The following UTP18 variants were observed in gnomAD, a reference collection of about 807,000 sequenced individuals.
The protein encoded by UTP18 is UTP18 small subunit processome component.
A neutral mutation model predicts 61.1 loss-of-function variants in UTP18; 36 were observed. That is an observed-to-expected ratio of 0.59 (90% CI 0.45 to 0.78). The LOEUF is 0.78. Among genes scored for constraint, UTP18 ranks in the 30% least tolerant of loss-of-function variants. UTP18 has a pLI of 0.00. For missense variants in UTP18, 753 were observed against 693.9 expected (o/e 1.09, Z -0.96); for synonymous variants, 282 against 251.1 (o/e 1.12, Z -1.16).
intron 2 of UTP18, among the ~76,000 whole-genome samples, chr17:51,263,991 A>C (rs942814336): frequency 6.6e-6 from 1 of 151,386 alleles, no homozygotes; most frequent in African/African-American, 2.4e-5. Flanking sequence ...ATTAACCATA[A>C]TTTACGTGGC....
intron 11 of UTP18, among the ~76,000 whole-genome samples, chr17:51,292,796 C>T (rs989052854): frequency 7.9e-5 from 12 of 152,178 alleles, no homozygotes; most frequent in African/African-American, 2.4e-4. Flanking sequence ...GAAGTAGACT[C>T]TGGAGAAAGA....
chr17:51,286,371 A>G, intron 10 of UTP18: 2 of 422,526 alleles, frequency 4.7e-6, no homozygotes, highest in South Asian at 3.4e-5. Context: ...ACCAAACACA[A>G]TTGAGCCATG....
At chr17:51,294,920 T>C (rs1444601960) in intron 12 of UTP18, among the ~76,000 whole-genome samples, 1 of 152,238 alleles carries the variant, frequency 6.6e-6, no homozygotes, top group African/African-American at 2.4e-5. Flanking sequence ...TGGTATCTTA[T>C]TGTGGTTTTT....
chr17:51,284,915 A>G (rs377548364), intron 9 of UTP18, among the ~76,000 whole-genome samples: 2 of 151,930 alleles, frequency 1.3e-5, no homozygotes, highest in Admixed American at 1.3e-4. Flanking sequence ...ACAAAAATTA[A>G]CTACGCATGG....
At chr17:51,271,080 A>G (rs1487690728) in intron 4 of UTP18, among the ~76,000 whole-genome samples, 4 of 152,190 alleles carry the variant, frequency 2.6e-5, no homozygotes, top group African/African-American at 4.8e-5. Flanking sequence ...ATCAACAGCA[A>G]TTCATTAATA....
In UTP18 at chr17:51,260,782, G is replaced by A. The variant is rs1466563988; in HGVS notation, c.198G>A (p.Ala66=). The part of the protein sequence containing the change: ...AAAAAIAVAA[A]EEERRLRQRN... ...CCGCTGCGATTGCAGTCGCGGCGGC[G>A]GAGGAAGAGAGACGGCTCCGGCAGC... Residue 66 remains alanine, a synonymous_variant, in exon 1 of 14, where the codon GCG becomes GCA. Transcript: ENST00000225298. 4 of 1,579,066 alleles carry A rather than the reference G, an allele frequency of 2.5e-6. No individual in the cohort carries two copies. Among genetic ancestry groups the A allele is most frequent in the Middle Eastern group, 1.9e-4 (1 of 5,398 alleles).
intron 11 of UTP18, among the ~76,000 whole-genome samples, chr17:51,289,282 C>T (rs577967812): frequency 4.7e-5 from 7 of 150,166 alleles, no homozygotes; most frequent in African/African-American, 1.5e-4. Context: ...CTGCAGCCTC[C>T]GCCTCCTGGG....
chr17:51,281,143 T>A (rs1028283646), intron 9 of UTP18, among the ~76,000 whole-genome samples: 19 of 120,582 alleles, frequency 1.6e-4, no homozygotes, highest in Admixed American at 1.2e-3. Context: ...CGTCTCAAAA[T>A]ATATATATAT....
At chr17:51,262,379 C>A (rs1373804474) in intron 1 of UTP18, among the ~76,000 whole-genome samples, 1 of 151,994 alleles carries the variant, frequency 6.6e-6, no homozygotes, top group African/African-American at 2.4e-5. Flanking sequence ...CCACCGCACC[C>A]GGCCTAGGTT....
chr17:51,295,066 T>C, intron 12 of UTP18, among the ~76,000 whole-genome samples: 2 of 152,034 alleles, frequency 1.3e-5, no homozygotes, highest in Non-Finnish European at 2.9e-5. Context: ...TTCTTGTAAA[T>C]TTGTTTGAGT....
intron 9 of UTP18, among the ~76,000 whole-genome samples, chr17:51,283,698 C>T (rs1043195145): frequency 2.6e-5 from 4 of 151,294 alleles, no homozygotes; most frequent in Non-Finnish European, 5.9e-5. Flanking sequence ...ACTACATCCT[C>T]TGCCTCCTGG....
Position 51,280,438 on chromosome 17 carries a change from C to A in UTP18, c.1163C>A (p.Ser388Tyr), listed in dbSNP as rs766259943. ...SMKINGRVAA[S>Y]TFSSDSKKVY... The stretch of plus-strand genomic sequence containing the variant: ...AAAATTAATGGAAGGGTTGCAGCAT[C>A]CACATTCTCTTCAGATAGTAAGAAA... Residue 388 changes from serine to tyrosine, a missense_variant, in exon 9 of 14, where the codon TCC becomes TAC. Coordinates refer to ENST00000225298, the MANE Select transcript of UTP18 (RefSeq NM_016001.3). The A allele has an allele frequency of 8.1e-6, 13 of 1,614,042 alleles. No individual in the cohort carries two copies. The Admixed American group carries it at 1.3e-4, about 17-fold the overall frequency.
rs1205531826 is a variant in UTP18, at chr17:51,280,126, C to T, written c.1113+21C>T. 3 of 1,600,194 alleles carry T rather than the reference C, an allele frequency of 1.9e-6. No homozygotes were observed. In the Admixed American group the frequency reaches 5.0e-5, roughly 27 times the overall value. On this transcript the variant is annotated intron_variant, in intron 8 of 13. Transcript: ENST00000225298. The stretch of plus-strand genomic sequence containing the variant: ...TGAAGGTAAAGCATTATTATTGCTT[C>T]TTGTTCTTCTCCCACAAGACACTAG...
At chr17:51,285,153 T>C in intron 9 of UTP18, 92 bp from the exon 10 acceptor site, 3 of 1,415,506 alleles carry the variant, frequency 2.1e-6, no homozygotes, top group Middle Eastern at 2.5e-4. Context: ...TGTAGTCTCC[T>C]GTACTGTTAA....
chr17:51,268,588 A>G (rs1361572861), intron 3 of UTP18, among the ~76,000 whole-genome samples: 2 of 152,240 alleles, frequency 1.3e-5, no homozygotes, highest in African/African-American at 4.8e-5. Context: ...GATGGAAATA[A>G]TTAACAAAAA....
At chr17:51,285,690 A>G (rs1158106409) in intron 10 of UTP18, among the ~76,000 whole-genome samples, 1 of 152,242 alleles carries the variant, frequency 6.6e-6, no homozygotes, top group African/African-American at 2.4e-5. Context: ...ATATATTGTT[A>G]CAATTGTTCT....
At chr17:51,290,986 C>T (rs540739658) in intron 11 of UTP18, among the ~76,000 whole-genome samples, 4 of 152,250 alleles carry the variant, frequency 2.6e-5, no homozygotes, top group Admixed American at 1.3e-4. Flanking sequence ...CCTGTTACAT[C>T]GACAATTTTG....
exon 14 of UTP18, chr17:51,297,931 AAAT>A: frequency 1.0e-5 from 3 of 299,422 alleles, no homozygotes; most frequent in Middle Eastern, 1.3e-3. Flanking sequence ...TTTTGTTTGA[AAAT>A]AAGTGTATCT....
At position 51,266,187 on chromosome 17, in the gene UTP18, A is replaced by G. The variant is rs776051492; in HGVS notation, c.461A>G (p.Asp154Gly). The G allele has an allele frequency of 2.8e-5, 44 of 1,587,840 alleles. No individual in the cohort carries two copies. The highest frequency in any genetic ancestry group is 5.7e-5 in the Admixed American group (3 of 53,048). The change falls in exon 3 of 14, where the codon GAC (aspartate) becomes GGC (glycine). Residue 154 changes from aspartate (D) to glycine (G), a missense_variant. Physicochemically the swap from Asp to Gly is moderately conservative, Grantham distance 94 (BLOSUM62 -1). Transcript: ENST00000225298. ...DEEDEDEEMV[D>G]MMNNRFRKDM... ...ATGCTGTTCTGTTTTTGTAGGGTTG[A>G]CATGATGAACAATCGGTTTCGGAAG...
Sources: gnomAD v4.1 joint callset for allele counts (sites outside exome capture counted in the v4.1 genomes callset) on GRCh38, gnomAD v4.1.1 for gene constraint, MANE v1.5 for transcripts, NCBI Gene and HGNC (gene_info 2026-07-23, HGNC 2026-07-21) for gene names.